Variants in BMPR1A observed in about 807,000 individuals in gnomAD.
The protein encoded by BMPR1A is bone morphogenetic protein receptor type-1A.
Under a neutral mutation model 66.0 loss-of-function variants are expected in BMPR1A, and 7 were observed. That is an observed-to-expected ratio of 0.11 (90% CI 0.06 to 0.20). BMPR1A has a LOEUF of 0.20. BMPR1A is among the 10% of genes least tolerant of loss of function. The probability of loss-of-function intolerance (pLI) is 1.00; values close to 1 mark genes in which losing one functional copy is unlikely to be tolerated. For synonymous variants in BMPR1A, 200 were observed against 229.7 expected, an observed-to-expected ratio of 0.87 and a Z score of 1.17; for missense variants, 408 against 669.1, an observed-to-expected ratio of 0.61 and a Z score of 4.31.
In BMPR1A at chr10:86,875,882, A is replaced by G. The variant is rs886047360; in HGVS notation, c.-137A>G. 7 of 759,858 alleles carry G rather than the reference A, an allele frequency of 9.2e-6. No homozygotes were observed. The highest frequency in any genetic ancestry group is 3.5e-5 in the African/African-American group (2 of 57,346). 47.1% of individuals were successfully genotyped at this position (759,858 alleles called of 1,614,324 possible). On this transcript the variant is annotated 5_prime_UTR_variant, in exon 3 of 13. Coordinates refer to ENST00000372037, the MANE Select transcript of BMPR1A (RefSeq NM_004329.3). ...TGTCTTTCAGGAGTCGTAAGAAAGC[A>G]GTGGGAGTTGAAGTCATTGTCAAGT...
At chr10:86,899,940 G>A (rs1843284818) in intron 6 of BMPR1A, 50 bp downstream of exon 6, 2 of 1,609,884 alleles carry the variant, frequency 1.2e-6, no homozygotes. Context: ...ATCTTCTCTG[G>A]TTTTACAGTA....
chr10:86,843,962 C>T (rs770788919), intron 2 of BMPR1A, among the ~76,000 whole-genome samples: 2 of 152,012 alleles, frequency 1.3e-5, no homozygotes, highest in African/African-American at 2.4e-5. Context: ...AAAGGTATTG[C>T]GGCAGAAGAA....
At chr10:86,783,827 G>A (rs1841474208) in intron 1 of BMPR1A, among the ~76,000 whole-genome samples, 1 of 152,196 alleles carries the variant, frequency 6.6e-6, no homozygotes, top group Non-Finnish European at 1.5e-5. Context: ...GGAATTACAG[G>A]TGTGAGCCAC....
chr10:86,848,784 T>C (rs1842522537), intron 2 of BMPR1A, among the ~76,000 whole-genome samples: 2 of 152,194 alleles, frequency 1.3e-5, no homozygotes, highest in Admixed American at 6.5e-5. Context: ...CTCTGTCTCC[T>C]GATGGTCTGT....
At chr10:86,802,021 G>C (rs1372416380) in intron 1 of BMPR1A, among the ~76,000 whole-genome samples, 2 of 152,024 alleles carry the variant, frequency 1.3e-5, no homozygotes, top group African/African-American at 4.8e-5. Flanking sequence ...ACCCTTGCCT[G>C]ATTCTTATTC....
chr10:86,914,204 C>T (rs1277909419), intron 8 of BMPR1A, among the ~76,000 whole-genome samples: 1 of 151,978 alleles, frequency 6.6e-6, no homozygotes, highest in Admixed American at 6.5e-5. Context: ...TATCAGGAAT[C>T]CATTTACCAA....
At chr10:86,829,516 T>C (rs1332933082) in intron 1 of BMPR1A, among the ~76,000 whole-genome samples, 1 of 152,178 alleles carries the variant, frequency 6.6e-6, no homozygotes, top group East Asian at 1.9e-4. Context: ...AACATATATG[T>C]AGTTGATTTG....
intron 2 of BMPR1A, among the ~76,000 whole-genome samples, chr10:86,841,895 T>C (rs1394488450): frequency 2.6e-5 from 4 of 152,170 alleles, no homozygotes; most frequent in African/African-American, 9.7e-5. Flanking sequence ...AAGAACTGGG[T>C]TCAGAGAGCT....
rs183493778 is a variant in BMPR1A, at chr10:86,903,739, G to A, written c.530+3613G>A. On this transcript the variant is annotated intron_variant, in intron 7 of 12. Coordinates refer to ENST00000372037, the MANE Select transcript of BMPR1A (RefSeq NM_004329.3). ...CCATTCTCTTGCTTCAGCCTTCCGA[G>A]TAGCTGGGACTACAGGCACCTGCCA... 4.2e-3 allele frequency among the ~76,000 whole-genome samples: 631 copies of A among 151,976 alleles called. 7 individuals carry two copies. The highest frequency in any genetic ancestry group is 0.014 in the African/African-American group (597 of 41,414).
intron 2 of BMPR1A, among the ~76,000 whole-genome samples, chr10:86,844,915 T>TA (rs2133144639): frequency 1.3e-5 from 2 of 152,340 alleles, no homozygotes; most frequent in African/African-American, 4.8e-5. Context: ...AGGCTGGGAT[T>TA]ACAGGCACCC....
At chr10:86,855,776 C>T (rs1842632149) in intron 2 of BMPR1A, 5 of 1,139,936 alleles carry the variant, frequency 4.4e-6, no homozygotes, top group Admixed American at 4.7e-5. Flanking sequence ...CAGCTGTCGT[C>T]TAATACTTGT....
At chr10:86,760,236 C>CTTTT (rs1841025275) in intron 1 of BMPR1A, among the ~76,000 whole-genome samples, 1 of 20,064 alleles carries the variant, frequency 5.0e-5, no homozygotes, top group Non-Finnish European at 8.8e-5. Flanking sequence ...TTCTTTCTTT[C>CTTTT]TTTCTTTCTT....
In BMPR1A at chr10:86,925,236, T is replaced by C. The variant is rs1413011813; in HGVS notation, c.*1517T>C. 1.3e-5 allele frequency: 3 copies of C among 227,154 alleles called. No individual in the cohort carries two copies. Among genetic ancestry groups the C allele is most frequent in the African/African-American group, 2.2e-5 (1 of 45,068 alleles). The allele number at this position is 227,154 out of a possible 1,614,324, so 14.1% of individuals were successfully genotyped here. A position where few individuals can be genotyped will look rare whatever the true frequency, so the allele number is the denominator to read the frequency against. ...TGATTTACATAAACTTATACTTCTT[T>C]AATGCTTTTTAAATATTTATTCTGA... On this transcript the variant is annotated 3_prime_UTR_variant, in exon 13 of 13. Coordinates refer to ENST00000372037, the MANE Select transcript of BMPR1A (RefSeq NM_004329.3).
chr10:86,763,421 C>G (rs1381791656), intron 1 of BMPR1A, among the ~76,000 whole-genome samples: 1 of 151,952 alleles, frequency 6.6e-6, no homozygotes, highest in African/African-American at 2.4e-5. Flanking sequence ...GTTTCTTTAT[C>G]TTAAAAAATA....
At chr10:86,884,077 C>G (rs1843031728) in intron 3 of BMPR1A, among the ~76,000 whole-genome samples, 1 of 151,872 alleles carries the variant, frequency 6.6e-6, no homozygotes, top group Non-Finnish European at 1.5e-5. Flanking sequence ...CCATGTTGGC[C>G]AGGCTGGTTT....
At chr10:86,835,528 G>A (rs1451249357) in intron 1 of BMPR1A, among the ~76,000 whole-genome samples, 1 of 102,488 alleles carries the variant, frequency 9.8e-6, no homozygotes, top group Non-Finnish European at 1.8e-5. Context: ...TCCAGCCTGG[G>A]TGACAAGCAA....
At chr10:86,858,384 T>G (rs1006732826) in intron 2 of BMPR1A, among the ~76,000 whole-genome samples, 1 of 152,212 alleles carries the variant, frequency 6.6e-6, no homozygotes, top group Non-Finnish European at 1.5e-5. Context: ...AAAATTGTGT[T>G]TATATCAGTG....
intron 2 of BMPR1A, among the ~76,000 whole-genome samples, chr10:86,848,892 C>G (rs2354355): frequency 0.45 from 68,718 of 152,020 alleles, 17,784 homozygotes; most frequent in East Asian, 0.71. Flanking sequence ...TTTTATCAGC[C>G]CCCCCTCTAT....
intron 3 of BMPR1A, among the ~76,000 whole-genome samples, chr10:86,885,056 T>G (rs1182936059): frequency 6.6e-6 from 1 of 152,250 alleles, no homozygotes; most frequent in East Asian, 1.9e-4. Context: ...TTTTCTTTTC[T>G]TCTCCCTTTG....
Sources: allele counts gnomAD v4.1 joint callset (sites outside exome capture counted in the v4.1 genomes callset), GRCh38; gene constraint gnomAD v4.1.1; transcripts MANE v1.5; gene names NCBI Gene and HGNC (gene_info 2026-07-23, HGNC 2026-07-21).